Variants in SORCS2 observed in about 807,000 individuals in gnomAD.
SORCS2 encodes the protein sortilin related VPS10 domain containing receptor 2.
Under a neutral mutation model 141.6 loss-of-function variants are expected in SORCS2, and 100 were observed. That is an observed-to-expected ratio of 0.71 (90% CI 0.60 to 0.83). The LOEUF (loss-of-function observed/expected upper bound fraction) is 0.83. Among genes scored for constraint, SORCS2 ranks in the 40% least tolerant of loss-of-function variants. The pLI, the probability that SORCS2 is intolerant of heterozygous loss-of-function variation, is 0.00. For missense variants in SORCS2, 1,646 were observed against 1,560.2 expected (o/e 1.05, Z -0.93); for synonymous variants, 789 against 676.9 (o/e 1.17, Z -2.57).
At chr4:7,658,167 G>C (rs568193177) in intron 5 of SORCS2, among the ~76,000 whole-genome samples, 21 of 152,134 alleles carry the variant, frequency 1.4e-4, no homozygotes, top group South Asian at 4.1e-4. Context: ...GAGTGGGTGA[G>C]TGAGTGAGTC....
At chr4:7,680,196 G>A (rs1044538488) in intron 9 of SORCS2, among the ~76,000 whole-genome samples, 11 of 152,182 alleles carry the variant, frequency 7.2e-5, no homozygotes, top group South Asian at 2.1e-4. Flanking sequence ...CTGGGTGTGC[G>A]GCTTGTCCGA....
At chr4:7,224,372 G>T (rs1728877288) in intron 1 of SORCS2, among the ~76,000 whole-genome samples, 1 of 152,222 alleles carries the variant, frequency 6.6e-6, no homozygotes, top group African/African-American at 2.4e-5. Flanking sequence ...TGCGATGAGT[G>T]TTAAGGGTGA....
chr4:7,581,233 TTATAA>T (rs907687455), intron 3 of SORCS2, among the ~76,000 whole-genome samples: 11 of 150,942 alleles, frequency 7.3e-5, no homozygotes, highest in Non-Finnish European at 1.3e-4. Flanking sequence ...AAAATATAAA[TTATAA>T]TATAAATTCT....
At chr4:7,382,585 C>T (rs1723055163) in intron 1 of SORCS2, among the ~76,000 whole-genome samples, 1 of 152,216 alleles carries the variant, frequency 6.6e-6, no homozygotes, top group Non-Finnish European at 1.5e-5. Context: ...GAAAATGATG[C>T]TGACATGCCT....
At chr4:7,576,832 C>T (rs142110419) in intron 3 of SORCS2, among the ~76,000 whole-genome samples, 1 of 152,310 alleles carries the variant, frequency 6.6e-6, no homozygotes, top group African/African-American at 2.4e-5. Context: ...GCCAGCCTGG[C>T]TCATGGCACA....
At chr4:7,434,909 A>G in intron 2 of SORCS2, 13 of 1,505,696 alleles carry the variant, frequency 8.6e-6, no homozygotes, top group Non-Finnish European at 9.8e-6. Context: ...GCTCCAGAGT[A>G]CCCAGCAGTG....
chr4:7,439,417 C>T (rs368315712), intron 2 of SORCS2, among the ~76,000 whole-genome samples: 6 of 152,146 alleles, frequency 3.9e-5, no homozygotes, highest in African/African-American at 1.4e-4. Flanking sequence ...GAAATGCAAA[C>T]CCTGCTAACT....
intron 1 of SORCS2, among the ~76,000 whole-genome samples, chr4:7,289,100 G>C (rs954538577): frequency 6.6e-6 from 1 of 152,216 alleles, no homozygotes; most frequent in African/African-American, 2.4e-5. Flanking sequence ...CACCTGTTCA[G>C]TTCATCCAGG....
intron 2 of SORCS2, among the ~76,000 whole-genome samples, chr4:7,465,227 G>A (rs915885426): frequency 2.0e-5 from 3 of 152,224 alleles, no homozygotes. Context: ...ACATTCTCCT[G>A]CATTTAGCCC....
At chr4:7,267,530 T>A (rs913766212) in intron 1 of SORCS2, among the ~76,000 whole-genome samples, 2 of 152,156 alleles carry the variant, frequency 1.3e-5, no homozygotes, top group Non-Finnish European at 1.5e-5. Flanking sequence ...ATGGAATGGA[T>A]GACAACACCA....
intron 1 of SORCS2, among the ~76,000 whole-genome samples, chr4:7,257,147 G>A (rs577829516): frequency 5.0e-4 from 76 of 152,214 alleles, no homozygotes; most frequent in Admixed American, 2.1e-3. Flanking sequence ...GGGCTCCCTC[G>A]GGCCCTGGAG....
At chr4:7,671,577 A>C (rs1052524789) in intron 8 of SORCS2, among the ~76,000 whole-genome samples, 4 of 152,228 alleles carry the variant, frequency 2.6e-5, no homozygotes, top group African/African-American at 9.6e-5. Context: ...AGAAAAATTT[A>C]CTAGAGGGAT....
In SORCS2 at chr4:7,194,490, C is replaced by G. The variant is rs376051338; in HGVS notation, c.480+1364C>G. Among the ~76,000 whole-genome samples the G allele has an allele frequency of 3.9e-5, 6 of 152,190 alleles. No homozygotes were observed. The East Asian group carries it at 5.8e-4, about 15-fold the overall frequency. Reference sequence around the variant, plus strand: ...GCCTAGAGCCCAGCTCCCCAACCAGCCAGCATCTATCAGGGTACAGGTGCC... The same window carrying G: ...GCCTAGAGCCCAGCTCCCCAACCAGGCAGCATCTATCAGGGTACAGGTGCC... On this transcript the variant is annotated intron_variant, in intron 1 of 26. Coordinates refer to ENST00000507866, the MANE Select transcript of SORCS2 (RefSeq NM_020777.3).
chr4:7,696,476 C>T (rs1193087450), intron 11 of SORCS2, among the ~76,000 whole-genome samples: 2 of 152,202 alleles, frequency 1.3e-5, no homozygotes, highest in South Asian at 2.1e-4. Flanking sequence ...CTACAGGAGA[C>T]TCACGTGGGT....
At chr4:7,587,934 C>T (rs889928973) in intron 3 of SORCS2, among the ~76,000 whole-genome samples, 7 of 152,126 alleles carry the variant, frequency 4.6e-5, no homozygotes, top group African/African-American at 7.2e-5. Context: ...CCTGTGACAA[C>T]GGAATGCATT....
chr4:7,722,887 T>C (rs2148873469), intron 18 of SORCS2, among the ~76,000 whole-genome samples: 1 of 152,294 alleles, frequency 6.6e-6, no homozygotes, highest in South Asian at 2.1e-4. Context: ...AATCACGCTG[T>C]TTCCTCCATC....
At chr4:7,239,606 A>G (rs1490151710) in intron 1 of SORCS2, among the ~76,000 whole-genome samples, 1 of 152,100 alleles carries the variant, frequency 6.6e-6, no homozygotes, top group Non-Finnish European at 1.5e-5. Context: ...TGTTTGCTAA[A>G]ACAGCCCCTG....
chr4:7,301,013 TC>T (rs1717393609), intron 1 of SORCS2, among the ~76,000 whole-genome samples: 1 of 152,130 alleles, frequency 6.6e-6, no homozygotes, highest in African/African-American at 2.4e-5. Context: ...TGTGAGGTGC[TC>T]AGTCTAAGGT....
intron 1 of SORCS2, among the ~76,000 whole-genome samples, chr4:7,291,933 G>A (rs917397499): frequency 6.6e-6 from 1 of 152,248 alleles, no homozygotes; most frequent in Non-Finnish European, 1.5e-5. Flanking sequence ...AACTGGGAAT[G>A]CGGCCACACA....
Sources: allele counts gnomAD v4.1 joint callset (sites outside exome capture counted in the v4.1 genomes callset), GRCh38; gene constraint gnomAD v4.1.1; transcripts MANE v1.5; gene names NCBI Gene and HGNC (gene_info 2026-07-23, HGNC 2026-07-21).